CPQ: variants seen among roughly 807,000 people sequenced by gnomAD.
The protein encoded by CPQ is Ser-Met dipeptidase.
A neutral mutation model predicts 45.7 loss-of-function variants in CPQ; 37 were observed. That is an observed-to-expected ratio of 0.81 (90% CI 0.62 to 1.07). The LOEUF (loss-of-function observed/expected upper bound fraction) is 1.07. Among genes scored for constraint, CPQ ranks in the 50% least tolerant of loss-of-function variants. CPQ has a pLI of 0.00. For missense variants in CPQ, 537 were observed against 572.9 expected (o/e 0.94, Z 0.64); for synonymous variants, 186 against 205.8 (o/e 0.90, Z 0.82).
At chr8:97,014,910 A>G (rs1809553391) in intron 5 of CPQ, among the ~76,000 whole-genome samples, 1 of 152,102 alleles carries the variant, frequency 6.6e-6, no homozygotes, top group Non-Finnish European at 1.5e-5. Flanking sequence ...CATTATATTA[A>G]AAAAAACTTA....
chr8:96,839,872 T>C (rs1164424783), intron 3 of CPQ, among the ~76,000 whole-genome samples: 1 of 152,226 alleles, frequency 6.6e-6, no homozygotes, highest in African/African-American at 2.4e-5. Flanking sequence ...TTGTCTCAAT[T>C]AATTCTTTAT....
intron 7 of CPQ, among the ~76,000 whole-genome samples, chr8:97,080,065 G>A (rs972931656): frequency 3.3e-5 from 5 of 152,094 alleles, no homozygotes; most frequent in Non-Finnish European, 7.3e-5. Flanking sequence ...AAGGACTCCA[G>A]ACAAAACCCA....
At chr8:96,655,302 A>G (rs945217429) in intron 1 of CPQ, among the ~76,000 whole-genome samples, 7 of 151,990 alleles carry the variant, frequency 4.6e-5, no homozygotes, top group Admixed American at 2.6e-4. Context: ...AATAATTTCA[A>G]ATATTCTGTA....
chr8:96,797,223 A>T (rs1247677026), intron 2 of CPQ, among the ~76,000 whole-genome samples: 1 of 152,200 alleles, frequency 6.6e-6, no homozygotes. Context: ...AATTGGTGAC[A>T]CTTAAATTAC....
intron 1 of CPQ, among the ~76,000 whole-genome samples, chr8:96,652,730 TCACG>T (rs1815591072): frequency 6.6e-6 from 1 of 152,204 alleles, no homozygotes; most frequent in African/African-American, 2.4e-5. Flanking sequence ...CCTCCCGGGT[TCACG>T]CCATTCTCCT....
intron 2 of CPQ, among the ~76,000 whole-genome samples, chr8:96,820,923 C>T (rs763362239): frequency 7.2e-5 from 11 of 151,966 alleles, no homozygotes; most frequent in Non-Finnish European, 1.2e-4. Context: ...TGCATTCCCA[C>T]CAACAGTGTA....
chr8:96,984,998 A>G (rs2130394227), intron 5 of CPQ, among the ~76,000 whole-genome samples: 1 of 152,334 alleles, frequency 6.6e-6, no homozygotes, highest in Admixed American at 6.5e-5. Context: ...TGTGAGTAAT[A>G]AACTATCAGT....
chr8:96,761,631 T>C (rs1005097272), intron 1 of CPQ: 1 of 152,240 alleles, frequency 6.6e-6, no homozygotes, highest in Non-Finnish European at 1.5e-5. Context: ...ATCAAGGTTC[T>C]GTCCCTGATT....
intron 1 of CPQ, among the ~76,000 whole-genome samples, chr8:96,759,700 G>C (rs1449376204): frequency 1.3e-5 from 2 of 152,020 alleles, no homozygotes; most frequent in Non-Finnish European, 2.9e-5. Context: ...ACATTTAAGC[G>C]ACTTGTCCAA....
At chr8:96,850,060 T>G (rs2130859352) in intron 3 of CPQ, among the ~76,000 whole-genome samples, 1 of 152,352 alleles carries the variant, frequency 6.6e-6, no homozygotes, top group South Asian at 2.1e-4. Context: ...TAATTAGGCA[T>G]GCATTGATTT....
At chr8:97,097,453 T>A (rs1421409941) in intron 7 of CPQ, among the ~76,000 whole-genome samples, 1 of 152,194 alleles carries the variant, frequency 6.6e-6, no homozygotes, top group Non-Finnish European at 1.5e-5. Flanking sequence ...TATATACATA[T>A]GCAAGTACGT....
At chr8:97,098,085 A>T (rs1452965018) in intron 7 of CPQ, among the ~76,000 whole-genome samples, 1 of 152,134 alleles carries the variant, frequency 6.6e-6, no homozygotes, top group Non-Finnish European at 1.5e-5. Context: ...GTCTCCCCCA[A>T]CCCTCAGATG....
chr8:96,912,372 G>A (rs1812676046), intron 4 of CPQ, among the ~76,000 whole-genome samples: 1 of 152,144 alleles, frequency 6.6e-6, no homozygotes, highest in Non-Finnish European at 1.5e-5. Flanking sequence ...GTATGCGAAT[G>A]TGAATATATC....
At chr8:96,793,906 A>C (rs1306166915) in intron 2 of CPQ, among the ~76,000 whole-genome samples, 1 of 152,166 alleles carries the variant, frequency 6.6e-6, no homozygotes, top group Non-Finnish European at 1.5e-5. Context: ...CTTTAACTCC[A>C]TGTCTCACAT....
intron 4 of CPQ, among the ~76,000 whole-genome samples, chr8:96,890,161 A>G (rs1011131439): frequency 2.6e-5 from 4 of 152,264 alleles, no homozygotes; most frequent in African/African-American, 4.8e-5. Context: ...TAAAGTTAAC[A>G]ATACTTAAAT....
chr8:96,926,482 G>A (rs1442817993), intron 4 of CPQ, among the ~76,000 whole-genome samples: 1 of 152,050 alleles, frequency 6.6e-6, no homozygotes, highest in Non-Finnish European at 1.5e-5. Flanking sequence ...TCATTGAAAA[G>A]CGATGTACAA....
rs114747156 is a variant in CPQ at position 96,928,796 on chromosome 8, C to T, written c.850-37139C>T. ...CAGGATTGGCTTCCGAAGTTCAGAC[C>T]CTGATGAAGGAAAATGATACTCCGA... On this transcript the variant is annotated intron_variant, in intron 4 of 7. Coordinates refer to ENST00000220763, the MANE Select transcript of CPQ (RefSeq NM_016134.4). Among the ~76,000 whole-genome samples, 878 of 152,072 alleles carry T rather than the reference C, an allele frequency of 5.8e-3. 9 individuals carry two copies. The highest frequency in any genetic ancestry group is 0.02 in the African/African-American group (819 of 41,464).
intron 1 of CPQ, among the ~76,000 whole-genome samples, chr8:96,743,924 T>C (rs1274517740): frequency 6.6e-6 from 1 of 152,228 alleles, no homozygotes; most frequent in African/African-American, 2.4e-5. Context: ...TACTGCTGTC[T>C]TTTTGTTTGT....
chr8:96,874,183 G>C (rs1812116623), intron 3 of CPQ, among the ~76,000 whole-genome samples: 1 of 151,702 alleles, frequency 6.6e-6, no homozygotes, highest in Admixed American at 6.6e-5. Flanking sequence ...AGCAGGCTTT[G>C]CTTTTACACA....
Sources: gnomAD v4.1 joint callset for allele counts (sites outside exome capture counted in the v4.1 genomes callset) on GRCh38, gnomAD v4.1.1 for gene constraint, MANE v1.5 for transcripts, NCBI Gene and HGNC (gene_info 2026-07-23, HGNC 2026-07-21) for gene names.